DLG2: variants seen among roughly 807,000 people sequenced by gnomAD.
DLG2 encodes discs large MAGUK scaffold protein 2, also known as disks large homolog 2.
Under a neutral mutation model 132.5 loss-of-function variants are expected in DLG2, and 45 were observed. The ratio of observed to expected loss-of-function variants is 0.34; its 90% CI spans 0.27 to 0.44. DLG2 has a LOEUF of 0.44. DLG2 is among the 20% of genes least tolerant of loss of function. DLG2 has a pLI of 1.00. For missense variants in DLG2, 1,045 were observed against 1,196.9 expected, an observed-to-expected ratio of 0.87 and a Z score of 1.87; for synonymous variants, 424 against 419.6, an observed-to-expected ratio of 1.01 and a Z score of -0.13.
intron 7 of DLG2, among the ~76,000 whole-genome samples, chr11:84,487,010 G>A (rs1473645923): frequency 6.6e-6 from 1 of 152,026 alleles, no homozygotes; most frequent in Admixed American, 6.6e-5. Context: ...ACCCAAAATT[G>A]GAAGTGAGTG....
At chr11:84,737,114 T>G (rs1326399023) in intron 6 of DLG2, among the ~76,000 whole-genome samples, 1 of 151,990 alleles carries the variant, frequency 6.6e-6, no homozygotes, top group African/African-American at 2.4e-5. Flanking sequence ...TTTTGTCACA[T>G]GGTTTTTCTA....
At chr11:85,076,991 A>T (rs2066621908) in intron 6 of DLG2, among the ~76,000 whole-genome samples, 1 of 152,152 alleles carries the variant, frequency 6.6e-6, no homozygotes, top group South Asian at 2.1e-4. Context: ...GCTAATTACC[A>T]GGCACATAAA....
intron 19 of DLG2, among the ~76,000 whole-genome samples, chr11:83,617,671 G>C (rs1167706630): frequency 6.6e-6 from 1 of 152,092 alleles, no homozygotes; most frequent in Admixed American, 6.6e-5. Context: ...GATAGAAGGT[G>C]TCTCATACCT....
intron 8 of DLG2, among the ~76,000 whole-genome samples, chr11:84,173,044 A>G (rs1245144091): frequency 3.9e-5 from 6 of 152,192 alleles, no homozygotes. Context: ...TTCCATCAGA[A>G]GAAATTAAGA....
intron 7 of DLG2, among the ~76,000 whole-genome samples, chr11:84,315,006 G>A (rs534618071): frequency 6.6e-6 from 1 of 152,172 alleles, no homozygotes; most frequent in Non-Finnish European, 1.5e-5. Context: ...CAGTATTTGT[G>A]GATCACTATT....
intron 5 of DLG2, among the ~76,000 whole-genome samples, chr11:85,139,995 T>A (rs1447740680): frequency 6.6e-6 from 1 of 151,982 alleles, no homozygotes; most frequent in Non-Finnish European, 1.5e-5. Flanking sequence ...AGTGGAAAGA[T>A]CTCATTCTTT....
chr11:84,616,787 T>A (rs938660684), intron 6 of DLG2, among the ~76,000 whole-genome samples: 4 of 152,142 alleles, frequency 2.6e-5, no homozygotes, highest in Non-Finnish European at 4.4e-5. Flanking sequence ...TTAACAAATC[T>A]TAAAATGTAA....
chr11:85,578,490 C>T (rs2078300243), intron 3 of DLG2, among the ~76,000 whole-genome samples: 1 of 152,060 alleles, frequency 6.6e-6, no homozygotes. Flanking sequence ...GCAAACTATG[C>T]ATCTAACAAA....
intron 10 of DLG2, among the ~76,000 whole-genome samples, chr11:84,079,626 C>T (rs529677486): frequency 6.6e-6 from 1 of 152,296 alleles, no homozygotes; most frequent in Admixed American, 6.5e-5. Context: ...GCACTCTTAT[C>T]AGCTAAGCCA....
chr11:84,350,693 T>C (rs140484991), intron 7 of DLG2, among the ~76,000 whole-genome samples: 150 of 152,330 alleles, frequency 9.8e-4, no homozygotes, highest in African/African-American at 3.5e-3. Flanking sequence ...CTCATTGGGG[T>C]GATTCCTAAT....
At chr11:84,361,180 A>G (rs1049345752) in intron 7 of DLG2, among the ~76,000 whole-genome samples, 5 of 151,942 alleles carry the variant, frequency 3.3e-5, no homozygotes, top group Non-Finnish European at 7.4e-5. Flanking sequence ...ACACTATTTA[A>G]AGAAATAATG....
chr11:84,923,059 C>T (rs368737919), intron 6 of DLG2: 97 of 1,613,724 alleles, frequency 6.0e-5, no homozygotes, highest in South Asian at 2.2e-5. Context: ...GCCCAGTTGC[C>T]GGCTCGCCTC....
At chr11:83,959,465 T>C (rs1180823350) in intron 14 of DLG2, among the ~76,000 whole-genome samples, 2 of 152,282 alleles carry the variant, frequency 1.3e-5, no homozygotes, top group East Asian at 3.9e-4. Flanking sequence ...TAGAGATTTA[T>C]TTTCTTGATT....
At chr11:83,473,225 T>G (rs1239424512) in intron 22 of DLG2, among the ~76,000 whole-genome samples, 4 of 152,178 alleles carry the variant, frequency 2.6e-5, no homozygotes, top group African/African-American at 9.6e-5. Flanking sequence ...AGTATATGCT[T>G]ATTTCATTTA....
At chr11:83,956,297 C>T (rs932156966) in intron 14 of DLG2, among the ~76,000 whole-genome samples, 1 of 152,190 alleles carries the variant, frequency 6.6e-6, no homozygotes, top group Non-Finnish European at 1.5e-5. Flanking sequence ...GACCTTGCCA[C>T]CACCAGAGGA....
intron 7 of DLG2, among the ~76,000 whole-genome samples, chr11:84,419,929 C>T (rs77672338): frequency 0.011 from 1,684 of 152,296 alleles, 20 homozygotes; most frequent in Non-Finnish European, 0.018. Context: ...TTGGAGATAA[C>T]CACACCAGTG....
chr11:83,589,004 C>A (rs1246355243), intron 19 of DLG2, among the ~76,000 whole-genome samples: 2 of 146,674 alleles, frequency 1.4e-5, no homozygotes, highest in Non-Finnish European at 3.0e-5. Context: ...AAGACCAAAT[C>A]TACGTCTGAC....
Position 84,874,668 on chromosome 11 carries a change from T to G in DLG2, c.357+236993A>C, listed in dbSNP as rs570401559. Among the ~76,000 whole-genome samples, 9 of 152,204 alleles carry G rather than the reference T, an allele frequency of 5.9e-5. No homozygotes were observed. In the East Asian group the frequency reaches 1.7e-3, roughly 29 times the overall value. On this transcript the variant is annotated intron_variant, in intron 6 of 27. Coordinates refer to ENST00000376104, the MANE Select transcript of DLG2 (RefSeq NM_001142699.3). ...TGGAGAGACTAGTTAGCAATTCATG[T>G]GAGAGATGATTCCTTGAATTAGACT...
At chr11:85,340,160 A>T (rs2082387477) in intron 3 of DLG2, among the ~76,000 whole-genome samples, 1 of 152,218 alleles carries the variant, frequency 6.6e-6, no homozygotes, top group Non-Finnish European at 1.5e-5. Context: ...AAGGATTATA[A>T]ATCATGCTAC....
Sources: allele counts gnomAD v4.1 joint callset (sites outside exome capture counted in the v4.1 genomes callset), GRCh38; gene constraint gnomAD v4.1.1; transcripts MANE v1.5; gene names NCBI Gene and HGNC (gene_info 2026-07-23, HGNC 2026-07-21).